Variants in CTNND2 observed in about 807,000 individuals in gnomAD.
CTNND2 encodes catenin delta-2.
Under a neutral mutation model 144.4 loss-of-function variants are expected in CTNND2, and 22 were observed. That is an observed-to-expected ratio of 0.15 (90% CI 0.11 to 0.22). CTNND2 has a LOEUF of 0.22. Ranked by LOEUF, CTNND2 falls within the 10% of genes least tolerant of loss-of-function variation. The pLI, the probability that CTNND2 is intolerant of heterozygous loss-of-function variation, is 1.00. For missense variants in CTNND2, 1,353 were observed against 1,618.8 expected, an observed-to-expected ratio of 0.84 and a Z score of 2.82; for synonymous variants, 751 against 695.6, an observed-to-expected ratio of 1.08 and a Z score of -1.25.
At chr5:11,749,036 C>T (rs185092322) in intron 1 of CTNND2, among the ~76,000 whole-genome samples, 1 of 152,058 alleles carries the variant, frequency 6.6e-6, no homozygotes, top group East Asian at 1.9e-4. Flanking sequence ...AGAAAGAGGT[C>T]CACGTAAGGA....
At chr5:11,870,832 C>T (rs1015083705) in intron 1 of CTNND2, among the ~76,000 whole-genome samples, 3 of 152,150 alleles carry the variant, frequency 2.0e-5, no homozygotes, top group Admixed American at 1.3e-4. Flanking sequence ...AAACTTATTA[C>T]CTACTGATAA....
intron 1 of CTNND2, among the ~76,000 whole-genome samples, chr5:11,790,990 C>T (rs1280496227): frequency 1.3e-5 from 2 of 152,084 alleles, no homozygotes; most frequent in African/African-American, 4.8e-5. Context: ...CCCAATCCAA[C>T]AGGACTGGAG....
At chr5:11,403,839 C>A (rs752985071) in intron 5 of CTNND2, among the ~76,000 whole-genome samples, 1 of 152,200 alleles carries the variant, frequency 6.6e-6, no homozygotes, top group Non-Finnish European at 1.5e-5. Flanking sequence ...TTTAAAGAAC[C>A]AGTCTTTGAT....
chr5:11,000,289 G>A (rs1459334977), intron 18 of CTNND2, among the ~76,000 whole-genome samples: 1 of 152,188 alleles, frequency 6.6e-6, no homozygotes, highest in East Asian at 1.9e-4. Context: ...TTGGGAGGCC[G>A]AGGCGGGCAG....
At position 11,384,886 on chromosome 5, in the gene CTNND2, A is replaced by C. The variant is rs1381934221; in HGVS notation, c.956T>G (p.Ile319Ser). ...GGACAGGCCGGCCGAGGACACGACGATGTTGATGGGCGAGCTGGTGCTGTA... is the reference window on the plus strand; with the variant it reads ...GGACAGGCCGGCCGAGGACACGACGCTGTTGATGGGCGAGCTGGTGCTGTA... ...KSYSTSSPIN[I>S]VVSSAGLSPI... Residue 319 changes from isoleucine to serine, a missense_variant, in exon 7 of 22, where the codon ATC becomes AGC. Coordinates refer to ENST00000304623, the MANE Select transcript of CTNND2 (RefSeq NM_001332.4). This position sits in a 1 kb window ranked among gnomAD's most constrained non-coding sequence, Gnocchi z 5.2. 6 of 1,611,382 alleles carry C rather than the reference A, an allele frequency of 3.7e-6. No individual in the cohort carries two copies. Among genetic ancestry groups the C allele is most frequent in the African/African-American group, 1.3e-5 (1 of 74,860 alleles).
chr5:11,013,321 C>T (rs1199360161), intron 18 of CTNND2, among the ~76,000 whole-genome samples: 1 of 152,140 alleles, frequency 6.6e-6, no homozygotes, highest in Admixed American at 6.5e-5. Flanking sequence ...CAGAGGTTCT[C>T]ATATAATTAA....
chr5:11,123,344 A>T (rs1052166852), intron 12 of CTNND2, among the ~76,000 whole-genome samples: 2 of 152,210 alleles, frequency 1.3e-5, no homozygotes, highest in Non-Finnish European at 2.9e-5. Flanking sequence ...GACTCTTTCT[A>T]GACCAGTGGT....
At chr5:11,749,644 C>T (rs949483909) in intron 1 of CTNND2, among the ~76,000 whole-genome samples, 5 of 151,904 alleles carry the variant, frequency 3.3e-5, no homozygotes, top group Non-Finnish European at 5.9e-5. Context: ...TTAAAGATTT[C>T]TAAAGATGTT....
intron 1 of CTNND2, among the ~76,000 whole-genome samples, chr5:11,849,284 T>C (rs1398177454): frequency 6.6e-6 from 1 of 152,086 alleles, no homozygotes; most frequent in Non-Finnish European, 1.5e-5. Flanking sequence ...CCCCCATGAT[T>C]CAATTATCTC....
rs565898244 is a variant in CTNND2 at position 11,298,515 on chromosome 5, T to C, written c.1628+47857A>G. ...TGCTAAAGCTTAGGAGTGAATGTAT[T>C]AATCTGAAGAGTAAAATTCCTTTTC... On this transcript the variant is annotated intron_variant, in intron 9 of 21. Coordinates refer to ENST00000304623, the MANE Select transcript of CTNND2 (RefSeq NM_001332.4). Among the ~76,000 whole-genome samples the C allele has an allele frequency of 3.9e-5, 6 of 152,310 alleles. No homozygotes were observed. In the East Asian group the frequency reaches 9.6e-4, roughly 24 times the overall value.
chr5:11,717,866 A>T (rs1786443107), intron 2 of CTNND2, among the ~76,000 whole-genome samples: 1 of 152,070 alleles, frequency 6.6e-6, no homozygotes, highest in African/African-American at 2.4e-5. Flanking sequence ...ACATCTGGGG[A>T]TTATTACAAT....
intron 2 of CTNND2, among the ~76,000 whole-genome samples, chr5:11,714,906 C>T (rs1182449571): frequency 6.7e-6 from 1 of 149,350 alleles, no homozygotes; most frequent in Non-Finnish European, 1.5e-5. Flanking sequence ...GAGCAATATT[C>T]CGTCTCAAAA....
intron 11 of CTNND2, among the ~76,000 whole-genome samples, chr5:11,180,750 A>G (rs1760914189): frequency 1.3e-5 from 2 of 152,260 alleles, no homozygotes; most frequent in Non-Finnish European, 2.9e-5. Flanking sequence ...TACCTCGTAG[A>G]AAACAGTGAA....
At chr5:11,496,597 G>A (rs1001184740) in intron 3 of CTNND2, among the ~76,000 whole-genome samples, 1 of 152,086 alleles carries the variant, frequency 6.6e-6, no homozygotes, top group Admixed American at 6.5e-5. Flanking sequence ...CATGTACATG[G>A]TGAAGTTGGG....
intron 8 of CTNND2, among the ~76,000 whole-genome samples, chr5:11,363,304 T>C (rs61500462): frequency 0.013 from 1,917 of 152,316 alleles, 36 homozygotes; most frequent in African/African-American, 0.043. Flanking sequence ...TAAAGGATAA[T>C]TCTAAGAACA....
intron 2 of CTNND2, among the ~76,000 whole-genome samples, chr5:11,574,580 G>T (rs565485927): frequency 6.6e-6 from 1 of 151,818 alleles, no homozygotes; most frequent in Non-Finnish European, 1.5e-5. Flanking sequence ...AGTTTTCCTC[G>T]CCTGCCTGGA....
chr5:11,900,957 T>C (rs1205252024), intron 1 of CTNND2, among the ~76,000 whole-genome samples: 1 of 152,234 alleles, frequency 6.6e-6, no homozygotes, highest in East Asian at 1.9e-4. Context: ...CTCTAAGAAG[T>C]GAAAATAATG....
intron 1 of CTNND2, among the ~76,000 whole-genome samples, chr5:11,837,964 G>A (rs1794268209): frequency 6.6e-6 from 1 of 152,080 alleles, no homozygotes; most frequent in Admixed American, 6.6e-5. Flanking sequence ...CAGTAGCCAT[G>A]ACTCCATGAC....
intron 16 of CTNND2, among the ~76,000 whole-genome samples, chr5:11,059,316 T>G (rs1580167296): frequency 6.6e-6 from 1 of 152,192 alleles, no homozygotes; most frequent in East Asian, 1.9e-4. Flanking sequence ...TCTTTCTTGT[T>G]CTGTTCTCAC....
Sources: gnomAD v4.1 joint callset for allele counts (sites outside exome capture counted in the v4.1 genomes callset) on GRCh38, gnomAD v4.1.1 for gene constraint, Gnocchi (gnomAD v3.1) non-coding constraint, MANE v1.5 for transcripts, NCBI Gene and HGNC (gene_info 2026-07-23, HGNC 2026-07-21) for gene names.